Variants in EFTUD2 observed in about 807,000 individuals in gnomAD.
EFTUD2 encodes the protein 116 kDa U5 small nuclear ribonucleoprotein component.
A neutral mutation model predicts 114.3 loss-of-function variants in EFTUD2; 9 were observed. The ratio of observed to expected loss-of-function variants is 0.08; its 90% CI spans 0.05 to 0.14. EFTUD2 has a LOEUF of 0.14. Ranked by LOEUF, EFTUD2 falls within the 10% of genes least tolerant of loss-of-function variation. The probability of loss-of-function intolerance (pLI) is 1.00; values close to 1 mark genes in which losing one functional copy is unlikely to be tolerated. For missense variants in EFTUD2, 765 were observed against 1,241.2 expected, an observed-to-expected ratio of 0.62 and a Z score of 5.76; for synonymous variants, 449 against 462.3, an observed-to-expected ratio of 0.97 and a Z score of 0.37.
chr17:44,895,023 G>A (rs2051352696), intron 1 of EFTUD2, among the ~76,000 whole-genome samples: 2 of 152,282 alleles, frequency 1.3e-5, no homozygotes, highest in Non-Finnish European at 2.9e-5. Context: ...TTTAGTGTAA[G>A]GGTGGGCAAA....
At position 44,852,872 on chromosome 17, in the gene EFTUD2, C is replaced by T. The variant is rs2050479712; in HGVS notation, c.2562-310G>A. On this transcript the variant is annotated intron_variant, in intron 25 of 27. Transcript: ENST00000426333. ...CAACAGCTCTGTGAGGAGGGGATCCCAAAAGAAATGTCAATTTTTTTTTTT... is the reference window on the plus strand; with the variant it reads ...CAACAGCTCTGTGAGGAGGGGATCCTAAAAGAAATGTCAATTTTTTTTTTT... Among the ~76,000 whole-genome samples the T allele has an allele frequency of 2.4e-5, 3 of 126,306 alleles. No individual in the cohort carries two copies. In the South Asian group the frequency reaches 8.3e-4, roughly 35 times the overall value. 82.9% of individuals were successfully genotyped at this position (126,306 alleles called of 152,430 possible).
rs2050628475 is a variant in EFTUD2, at chr17:44,860,063, A to G, written c.1720-18T>C. The G allele has an allele frequency of 6.2e-7, 1 of 1,614,108 alleles. No individual in the cohort carries two copies. The highest frequency in any genetic ancestry group is 1.3e-5 in the African/African-American group (1 of 74,936). ...ATCTGAGCCTGAGATCCAAAGCACAAAGGACTGAGGGCAACTGGCATGAGC... is the reference window on the plus strand; with the variant it reads ...ATCTGAGCCTGAGATCCAAAGCACAGAGGACTGAGGGCAACTGGCATGAGC... On this transcript the variant is annotated intron_variant, in intron 17 of 27. Transcript: ENST00000426333.
At chr17:44,896,072 A>G (rs1398258659) in intron 1 of EFTUD2, 1 of 152,234 alleles carries the variant, frequency 6.6e-6, no homozygotes, top group Admixed American at 6.5e-5. Context: ...ATTTCGTATC[A>G]GGTGATACAT....
rs1427380686 is a variant in EFTUD2 at position 44,851,670 on chromosome 17, G to A, written c.2823+40C>T. 7.3e-6 allele frequency: 11 copies of A among 1,510,646 alleles called. No individual in the cohort carries two copies. In the African/African-American group the frequency reaches 1.4e-4, roughly 19 times the overall value. The allele number at this position is 1,510,646 out of a possible 1,614,324, so 93.6% of individuals were successfully genotyped here. A position where few individuals can be genotyped will look rare whatever the true frequency, so the allele number is the denominator to read the frequency against. ...GAGAGATCCTGCTTCTGAGAGTCCT[G>A]GGGGGTTGAGGGATGGCAACAGGCC... On this transcript the variant is annotated intron_variant, in intron 27 of 27. Coordinates refer to ENST00000426333, the MANE Select transcript of EFTUD2 (RefSeq NM_004247.4).
At chr17:44,870,074 ATGAT>A (rs1297614258) in intron 11 of EFTUD2, among the ~76,000 whole-genome samples, 2 of 152,222 alleles carry the variant, frequency 1.3e-5, no homozygotes, top group Non-Finnish European at 2.9e-5. Context: ...GGACGACTCA[ATGAT>A]CTCTTCAATA....
chr17:44,876,162 G>C, intron 9 of EFTUD2, 62 bp from the exon 10 acceptor site: 1 of 1,538,280 alleles, frequency 6.5e-7, no homozygotes, highest in Non-Finnish European at 8.8e-7. Flanking sequence ...GTTCAAAGCA[G>C]AACCAAAGAA....
In EFTUD2 at chr17:44,851,259, C is replaced by G. The variant is rs375962052; in HGVS notation, c.*15G>C. On this transcript the variant is annotated 3_prime_UTR_variant, in exon 28 of 28. Transcript: ENST00000426333. ...GCCCACTGTAGGGAGCAGGAGCTCCCAGGAGTCCACGCACTCACATGGGGT... is the reference window on the plus strand; with the variant it reads ...GCCCACTGTAGGGAGCAGGAGCTCCGAGGAGTCCACGCACTCACATGGGGT... The G allele has an allele frequency of 7.5e-6, 12 of 1,610,408 alleles. No homozygotes were observed. The African/African-American group carries it at 1.5e-4, about 20-fold the overall frequency.
Position 44,854,437 on chromosome 17 carries a change from T to A in EFTUD2, c.2260-81A>T, listed in dbSNP as rs758192235. 2.5e-6 allele frequency: 4 copies of A among 1,579,804 alleles called. No homozygotes were observed. The highest frequency in any genetic ancestry group is 2.6e-6 in the Non-Finnish European group (3 of 1,157,918). On this transcript the variant is annotated intron_variant, in intron 22 of 27. Coordinates refer to ENST00000426333, the MANE Select transcript of EFTUD2 (RefSeq NM_004247.4). The surrounding 1 kb of genome is among the most constrained non-coding windows in gnomAD (Gnocchi z 4.3). ...TAGAGGGAGAAGACAGATGTGCCTG[T>A]AAGGGGATACTGTCCTTCACCAGAG...
chr17:44,851,864 G>A (rs987934786), intron 26 of EFTUD2, 47 bp from the exon 27 acceptor site: 1 of 1,516,002 alleles, frequency 6.6e-7, no homozygotes, highest in Non-Finnish European at 9.0e-7. Context: ...ATTCCCAGAA[G>A]ATTCAGGCCC....
intron 20 of EFTUD2, among the ~76,000 whole-genome samples, chr17:44,856,307 C>G (rs2050552606): frequency 6.9e-6 from 1 of 144,100 alleles, no homozygotes; most frequent in Non-Finnish European, 1.5e-5. Context: ...GGCGGGCGGA[C>G]TGCCTGAGGT....
chr17:44,887,612 T>A (rs772277542), intron 2 of EFTUD2, among the ~76,000 whole-genome samples: 1 of 152,228 alleles, frequency 6.6e-6, no homozygotes, highest in Non-Finnish European at 1.5e-5. Flanking sequence ...TCCATTTATA[T>A]GAAAATATTC....
At chr17:44,851,441 T>C in intron 27 of EFTUD2, 72 bp from the exon 28 acceptor site, 2 of 1,280,402 alleles carry the variant, frequency 1.6e-6, no homozygotes, top group Non-Finnish European at 1.1e-6. Context: ...ATCCAAGACC[T>C]GTGTTCAGTG....
intron 8 of EFTUD2, 139 bp downstream of exon 8, chr17:44,880,415 T>G: frequency 1.7e-6 from 1 of 583,244 alleles, no homozygotes; most frequent in South Asian, 2.2e-5. Flanking sequence ...AAGGAGAGAG[T>G]CAAAATGGAA....
chr17:44,854,591 G>A lies in EFTUD2; in HGVS notation c.2224C>T (p.Pro742Ser), dbSNP rs369821280. Residue 742 changes from proline (P) to serine (S), a missense_variant, in exon 22 of 28, where the codon CCC becomes TCC. This residue lies in a region of EFTUD2 where 166 missense variants were observed against 401.5 expected (regional missense o/e 0.41). Coordinates refer to ENST00000426333, the MANE Select transcript of EFTUD2 (RefSeq NM_004247.4). The surrounding 1 kb of genome is among the most constrained non-coding windows in gnomAD (Gnocchi z 4.3). ...IWAFGPDATGPNILVDDTLPS... is the reference protein window; with the variant it reads ...IWAFGPDATGSNILVDDTLPS... Reference sequence around the variant, plus strand: ...AGAGTATCATCCACCAGAATGTTGGGGCCAGTCGCATCAGGGCCAAAAGCC... The same window carrying A: ...AGAGTATCATCCACCAGAATGTTGGAGCCAGTCGCATCAGGGCCAAAAGCC... 9.9e-6 allele frequency: 16 copies of A among 1,614,124 alleles called. No homozygotes were observed. Among genetic ancestry groups the A allele is most frequent in the Non-Finnish European group, 1.4e-5 (16 of 1,180,000 alleles).
Position 44,854,457 on chromosome 17 carries a change from C to G in EFTUD2, c.2259+99G>C, listed in dbSNP as rs1334307834. ...GCCTGTAAGGGGATACTGTCCTTCA[C>G]CAGAGGACACAAGATACTTTTGGGA... On this transcript the variant is annotated intron_variant, in intron 22 of 27. Transcript: ENST00000426333. The surrounding 1 kb of genome is among the most constrained non-coding windows in gnomAD (Gnocchi z 4.3). 1.3e-6 allele frequency: 2 copies of G among 1,566,648 alleles called. No homozygotes were observed. Among genetic ancestry groups the G allele is most frequent in the Non-Finnish European group, 1.7e-6 (2 of 1,147,952 alleles).
rs779797291 is a variant in EFTUD2 at position 44,886,741 on chromosome 17, C to A, written c.115G>T (p.Asp39Tyr). ...TCTCCTACGTCATCGTCGTCGTCAT[C>A]ATCATCCATCTGAAAGCAAGAGGGA... ...ETKDLDEMDD[D>Y]DDDDDVGDHD... The change falls in exon 3 of 28, where the codon GAT becomes TAT. Residue 39 changes from aspartate to tyrosine, a missense_variant. Asp to Tyr is a radical substitution (Grantham distance 160). Transcript: ENST00000426333. 8 of 1,613,336 alleles carry A rather than the reference C, an allele frequency of 5.0e-6. No homozygotes were observed. Among genetic ancestry groups the A allele is most frequent in the Non-Finnish European group, 5.9e-6 (7 of 1,179,808 alleles).
intron 8 of EFTUD2, among the ~76,000 whole-genome samples, chr17:44,880,261 G>C (rs1429945495): frequency 6.6e-6 from 1 of 152,166 alleles, no homozygotes; most frequent in Non-Finnish European, 1.5e-5. Context: ...CTCACCTTTA[G>C]CTCCCCAGCA....
chr17:44,881,724 T>C lies in EFTUD2; in HGVS notation c.493-2A>G. 1 of 1,614,074 alleles carries C rather than the reference T, an allele frequency of 6.2e-7. No homozygotes were observed. The highest frequency in any genetic ancestry group is 8.5e-7 in the Non-Finnish European group (1 of 1,179,968). ...GAAGAGGATGTCAGTATAGCACAGC[T>C]GAAAAAAAATTAACTGTTGTTACCA... On this transcript the variant is annotated splice_acceptor_variant, in intron 6 of 27. Coordinates refer to ENST00000426333, the MANE Select transcript of EFTUD2 (RefSeq NM_004247.4). LOFTEE classifies it high-confidence loss of function.
At chr17:44,897,462 C>T (rs1206508883) in intron 1 of EFTUD2, among the ~76,000 whole-genome samples, 6 of 152,206 alleles carry the variant, frequency 3.9e-5, no homozygotes, top group Non-Finnish European at 8.8e-5. Context: ...TCTTCACCTC[C>T]TAATACTTTA....
Sources: gnomAD v4.1 joint callset for allele counts (sites outside exome capture counted in the v4.1 genomes callset) on GRCh38, gnomAD v4.1.1 for gene constraint, gnomAD v4.1.1 regional missense constraint, Gnocchi (gnomAD v3.1) non-coding constraint, MANE v1.5 for transcripts, NCBI Gene and HGNC (gene_info 2026-07-23, HGNC 2026-07-21) for gene names.